Variants in GLO1 observed in about 807,000 individuals in gnomAD.
GLO1 encodes lactoylglutathione lyase.
Under a neutral mutation model 26.0 loss-of-function variants are expected in GLO1, and 28 were observed. The ratio of observed to expected loss-of-function variants is 1.08; its 90% confidence interval spans 0.80 to 1.48. GLO1 has a LOEUF of 1.48. Among genes scored for constraint, GLO1 ranks in the 40% most tolerant of loss-of-function variants. The probability of loss-of-function intolerance (pLI) is 0.00; values close to 1 mark genes in which losing one functional copy is unlikely to be tolerated. For missense variants in GLO1, 225 were observed against 224.8 expected, an observed-to-expected ratio of 1.00 and a Z score of -0.01; for synonymous variants, 78 against 77.6, an observed-to-expected ratio of 1.00 and a Z score of -0.03.
At position 38,693,726 on chromosome 6, in the gene GLO1, T is replaced by A. The variant is rs544473250; in HGVS notation, c.85-6752A>T. Among the ~76,000 whole-genome samples, 589 of 150,928 alleles carry A rather than the reference T, an allele frequency of 3.9e-3. 3 individuals are homozygous for A. Among genetic ancestry groups the A allele is most frequent in the African/African-American group, 0.014 (564 of 41,146 alleles). On this transcript the variant is annotated intron_variant, in intron 1 of 5. Transcript: ENST00000373365. Reference sequence around the variant, plus strand: ...ATATATTTGTTTTGTTTTGTTTTGTTTTGAGACAGAGTCTAGCTCTGTCAC... The same window carrying A: ...ATATATTTGTTTTGTTTTGTTTTGTATTGAGACAGAGTCTAGCTCTGTCAC...
chr6:38,683,888 A>AT (rs1761424272), intron 3 of GLO1, among the ~76,000 whole-genome samples: 1 of 151,326 alleles, frequency 6.6e-6, no homozygotes, highest in Non-Finnish European at 1.5e-5. Flanking sequence ...CTCTGTCTCA[A>AT]AAAATAAATA....
chr6:38,680,421 T>C (rs1051503077), intron 5 of GLO1, among the ~76,000 whole-genome samples: 5 of 152,136 alleles, frequency 3.3e-5, no homozygotes, highest in African/African-American at 1.2e-4. Flanking sequence ...CTCGGGAGGC[T>C]GAGGCAAGAG....
In GLO1 at chr6:38,694,341, T is replaced by C. The variant is rs577850876; in HGVS notation, c.85-7367A>G. 1.2e-4 allele frequency among the ~76,000 whole-genome samples: 18 copies of C among 152,306 alleles called. No individual in the cohort carries two copies. The South Asian group carries it at 3.7e-3, about 32-fold the overall frequency. ...TTTGTTGATGGTATTGCTGAGTTCTTCTGTTTCCTTGTTAATTTTCTGTCT... is the reference window on the plus strand; with the variant it reads ...TTTGTTGATGGTATTGCTGAGTTCTCCTGTTTCCTTGTTAATTTTCTGTCT... On this transcript the variant is annotated intron_variant, in intron 1 of 5. Coordinates refer to ENST00000373365, the MANE Select transcript of GLO1 (RefSeq NM_006708.3).
chr6:38,693,559 T>A (rs532008843), intron 1 of GLO1, among the ~76,000 whole-genome samples: 2 of 152,006 alleles, frequency 1.3e-5, no homozygotes, highest in Non-Finnish European at 2.9e-5. Context: ...GCTTACGTTA[T>A]TAATTTGAGA....
At chr6:38,679,264 C>A (rs1005652042) in intron 5 of GLO1, among the ~76,000 whole-genome samples, 2 of 152,010 alleles carry the variant, frequency 1.3e-5, no homozygotes, top group Non-Finnish European at 1.5e-5. Context: ...GGCATACAGA[C>A]TACAGGCATG....
At chr6:38,700,872 T>C (rs1047551326) in intron 1 of GLO1, among the ~76,000 whole-genome samples, 7 of 150,634 alleles carry the variant, frequency 4.6e-5, no homozygotes, top group African/African-American at 1.7e-4. Context: ...CTCCACCTCA[T>C]GGGTTCAAGT....
chr6:38,683,236 A>T (rs770080750), intron 3 of GLO1: 5 of 180,710 alleles, frequency 2.8e-5, no homozygotes, highest in East Asian at 1.4e-4. Context: ...TTAGAGTCAC[A>T]GACTCATATC....
intron 1 of GLO1, among the ~76,000 whole-genome samples, chr6:38,698,241 C>T (rs1003010193): frequency 2.6e-5 from 4 of 151,836 alleles, no homozygotes; most frequent in Admixed American, 6.6e-5. Flanking sequence ...CTGTGTTACC[C>T]GTAGGTCCCT....
chr6:38,683,776 A>G (rs1160113415), intron 3 of GLO1, among the ~76,000 whole-genome samples: 2 of 151,948 alleles, frequency 1.3e-5, no homozygotes, highest in Non-Finnish European at 2.9e-5. Context: ...AGTCCCAGCT[A>G]CTTGGGAGGC....
chr6:38,685,846 C>A (rs1385391810), intron 2 of GLO1, among the ~76,000 whole-genome samples: 1 of 152,164 alleles, frequency 6.6e-6, no homozygotes, highest in Non-Finnish European at 1.5e-5. Context: ...CACAGGAAGT[C>A]TACATTAGAG....
chr6:38,699,318 A>G (rs1316212676), intron 1 of GLO1, among the ~76,000 whole-genome samples: 1 of 152,220 alleles, frequency 6.6e-6, no homozygotes, highest in Non-Finnish European at 1.5e-5. Context: ...TATCTTCGTA[A>G]GCTGAGGATG....
rs1761387976 is a variant in GLO1 at position 38,682,025 on chromosome 6, CTTCACAAATTTGACTCCCAG to C, written c.433_452del (p.Leu145GlufsTer3). The C allele has an allele frequency of 6.5e-7, 1 of 1,537,890 alleles. No homozygotes were observed. The highest frequency in any genetic ancestry group is 1.4e-5 in the African/African-American group (1 of 73,342). ...TAGTAGACTCACCATCATCAGGTTT[CTTCACAAATTTGACTCCCAG>C]TTCTTCAAACCTTTTACAAGCACTG... On this transcript the variant is annotated frameshift_variant, in exon 5 of 6. Coordinates refer to ENST00000373365, the MANE Select transcript of GLO1 (RefSeq NM_006708.3). LOFTEE classifies it high-confidence loss of function.
intron 3 of GLO1, 81 bp from the exon 4 acceptor site, chr6:38,682,956 C>T: frequency 1.2e-6 from 1 of 851,970 alleles, no homozygotes; most frequent in Non-Finnish European, 2.0e-6. Context: ...TGAAATCTTA[C>T]CACGTTTATA....
intron 1 of GLO1, among the ~76,000 whole-genome samples, chr6:38,700,239 T>A (rs1761678029): frequency 6.6e-6 from 1 of 152,240 alleles, no homozygotes; most frequent in Admixed American, 6.5e-5. Context: ...TTTGCTAAGA[T>A]GTTTCCTTCA....
intron 1 of GLO1, among the ~76,000 whole-genome samples, chr6:38,696,536 G>A (rs1473173753): frequency 1.3e-5 from 2 of 152,176 alleles, no homozygotes; most frequent in Admixed American, 1.3e-4. Context: ...ACCTCACATG[G>A]CAGAAGGGCT....
At chr6:38,699,346 A>G (rs1626217) in intron 1 of GLO1, among the ~76,000 whole-genome samples, 20,839 of 152,200 alleles carry the variant, frequency 0.14, 2,013 homozygotes, top group African/African-American at 0.27. Flanking sequence ...CCTCAGGACC[A>G]CTGAGATAAT....
chr6:38,682,189 TGTTTATTTCAAAACATAAG>T (rs1269703339), intron 4 of GLO1, 88 bp from the exon 5 acceptor site: 3 of 793,006 alleles, frequency 3.8e-6, no homozygotes, highest in Non-Finnish European at 6.8e-6. Flanking sequence ...TTCCAAAACT[TGTTTATTTCAAAACATAAG>T]GCACTTGGGA....
At chr6:38,683,684 G>A (rs1352884259) in intron 3 of GLO1, among the ~76,000 whole-genome samples, 2 of 151,938 alleles carry the variant, frequency 1.3e-5, no homozygotes, top group African/African-American at 4.8e-5. Context: ...TCAGGAGATC[G>A]AGACCATCCT....
intron 1 of GLO1, among the ~76,000 whole-genome samples, chr6:38,697,218 A>C (rs1761624781): frequency 6.6e-6 from 1 of 152,196 alleles, no homozygotes; most frequent in Non-Finnish European, 1.5e-5. Context: ...TGGCCCAGAA[A>C]GTCTTCTTAA....
Sources: allele counts gnomAD v4.1 joint callset (sites outside exome capture counted in the v4.1 genomes callset), GRCh38; gene constraint gnomAD v4.1.1; transcripts MANE v1.5; gene names NCBI Gene and HGNC (gene_info 2026-07-23, HGNC 2026-07-21).